XIRP2: variants seen among roughly 807,000 people sequenced by gnomAD.
XIRP2 encodes xin actin binding repeat containing 2.
XIRP2 carries 236 observed loss-of-function variants against 277.0 expected under a neutral mutation model. The ratio of observed to expected loss-of-function variants is 0.85; its 90% confidence interval spans 0.77 to 0.95. The LOEUF (loss-of-function observed/expected upper bound fraction) is 0.95, where lower values mean the gene tolerates loss of function less well. XIRP2 is among the 40% of genes least tolerant of loss of function. The pLI is 0.00. For missense variants in XIRP2, 4,640 were observed against 4,157.5 expected (o/e 1.12, Z -3.19); for synonymous variants, 1,490 against 1,416.5 (o/e 1.05, Z -1.17).
chr2:166,914,387 C>G (rs183985878), intron 2 of XIRP2, among the ~76,000 whole-genome samples: 6 of 152,184 alleles, frequency 3.9e-5, no homozygotes, highest in African/African-American at 1.4e-4. Context: ...GTCACCCAGG[C>G]TGGAGTGCAG....
chr2:167,130,643 A>G (rs1006923192), intron 2 of XIRP2, among the ~76,000 whole-genome samples: 1 of 151,926 alleles, frequency 6.6e-6, no homozygotes, highest in African/African-American at 2.4e-5. Flanking sequence ...TCTGTCTTCC[A>G]GTTTACCCTT....
Position 167,239,981 on chromosome 2 carries a change from G to A in XIRP2, c.969+16G>A. 1 of 1,576,680 alleles carries A rather than the reference G, an allele frequency of 6.3e-7. No homozygotes were observed. The highest frequency in any genetic ancestry group is 1.4e-5 in the African/African-American group (1 of 72,100). ...AACAGAAATGGTAACTATTTAGAAA[G>A]GCAGTACTTTCAAACAGTTTCCAGG... On this transcript the variant is annotated intron_variant, in intron 6 of 10. Transcript: ENST00000409195.
At chr2:167,082,763 G>T (rs1044344633) in intron 2 of XIRP2, among the ~76,000 whole-genome samples, 2 of 152,198 alleles carry the variant, frequency 1.3e-5, no homozygotes, top group South Asian at 2.1e-4. Context: ...GTCTGTTCAT[G>T]TCCTTCACCC....
intron 2 of XIRP2, among the ~76,000 whole-genome samples, chr2:167,073,014 C>A (rs867039854): frequency 6.6e-6 from 1 of 151,998 alleles, no homozygotes; most frequent in Non-Finnish European, 1.5e-5. Flanking sequence ...TATGATACAA[C>A]CATGATAGGT....
intron 3 of XIRP2, among the ~76,000 whole-genome samples, chr2:167,139,758 A>T (rs1691656304): frequency 6.6e-6 from 1 of 152,228 alleles, no homozygotes; most frequent in African/African-American, 2.4e-5. Flanking sequence ...AACTTCTGTG[A>T]TAATGATAAT....
intron 2 of XIRP2, among the ~76,000 whole-genome samples, chr2:166,910,831 T>A (rs1390321703): frequency 1.3e-5 from 2 of 152,214 alleles, no homozygotes; most frequent in African/African-American, 4.8e-5. Flanking sequence ...CTCATTGGTT[T>A]CAAAGAACAT....
At chr2:167,010,645 A>G (rs978699179) in intron 2 of XIRP2, among the ~76,000 whole-genome samples, 8 of 152,056 alleles carry the variant, frequency 5.3e-5, no homozygotes, top group East Asian at 1.9e-4. Context: ...CATTGAATCT[A>G]TAAATTACCT....
intron 2 of XIRP2, among the ~76,000 whole-genome samples, chr2:167,112,604 T>A (rs1274852457): frequency 1.3e-5 from 2 of 148,352 alleles, no homozygotes; most frequent in African/African-American, 4.9e-5. Context: ...AATCTCTATA[T>A]AAATCTCTCT....
At position 167,246,633 on chromosome 2, in the gene XIRP2, A is replaced by G; in HGVS notation, c.5241A>G (p.Thr1747=). 1 of 1,613,816 alleles carries G rather than the reference A, an allele frequency of 6.2e-7. No individual in the cohort carries two copies. Among genetic ancestry groups the G allele is most frequent in the Non-Finnish European group, 8.5e-7 (1 of 1,179,848 alleles). The part of the protein sequence containing the change: ...ASERGNVQFF[T]TCIEAGALDY... Reference sequence around the variant, plus strand: ...AGAGAGGAAATGTTCAGTTTTTCACAACCTGCATAGAAGCTGGAGCTTTGG... The same window carrying G: ...AGAGAGGAAATGTTCAGTTTTTCACGACCTGCATAGAAGCTGGAGCTTTGG... Residue 1747 remains threonine (T), a synonymous_variant, in exon 9 of 11, where the codon ACA becomes ACG. Coordinates refer to ENST00000409195, the MANE Select transcript of XIRP2 (RefSeq NM_152381.6).
At position 167,072,880 on chromosome 2, in the gene XIRP2, T is replaced by C. The variant is rs150870739; in HGVS notation, c.409-63029T>C. Reference sequence around the variant, plus strand: ...CATACAGAAGGCCGCATATTTTGCATAAAGTGTATAAAACATTTCACAGTA... The same window carrying C: ...CATACAGAAGGCCGCATATTTTGCACAAAGTGTATAAAACATTTCACAGTA... On this transcript the variant is annotated intron_variant, in intron 2 of 10. Transcript: ENST00000409195. 2.9e-3 allele frequency among the ~76,000 whole-genome samples: 435 copies of C among 152,296 alleles called. 1 individual carries two copies. The highest frequency in any genetic ancestry group is 1.0e-2 in the African/African-American group (415 of 41,576).
chr2:167,021,389 C>T (rs558233220), intron 2 of XIRP2, among the ~76,000 whole-genome samples: 34 of 152,196 alleles, frequency 2.2e-4, no homozygotes, highest in African/African-American at 7.9e-4. Flanking sequence ...GATATGTCTG[C>T]TCCCAAAACA....
chr2:167,128,864 C>T (rs1329732823), intron 2 of XIRP2, among the ~76,000 whole-genome samples: 1 of 152,114 alleles, frequency 6.6e-6, no homozygotes. Context: ...ACCCAACTTG[C>T]ATCTTAATCA....
Position 167,144,670 on chromosome 2 carries a change from A to G in XIRP2, c.562+8608A>G, listed in dbSNP as rs527272510. Among the ~76,000 whole-genome samples, 22 of 152,274 alleles carry G rather than the reference A, an allele frequency of 1.4e-4. No individual in the cohort carries two copies. The South Asian group carries it at 4.6e-3, about 32-fold the overall frequency. ...TACACTTCAGGGAAGAACTTGATAT[A>G]TCACCTCCAAATCTTTTTATGTCAT... On this transcript the variant is annotated intron_variant, in intron 3 of 10. Coordinates refer to ENST00000409195, the MANE Select transcript of XIRP2 (RefSeq NM_152381.6).
chr2:166,909,750 G>A (rs1351006336), intron 2 of XIRP2, among the ~76,000 whole-genome samples: 1 of 152,050 alleles, frequency 6.6e-6, no homozygotes, highest in Non-Finnish European at 1.5e-5. Context: ...ATTGGCTGTG[G>A]GTTTGTCATA....
At chr2:166,940,266 G>A (rs780644475) in intron 2 of XIRP2, among the ~76,000 whole-genome samples, 1 of 152,098 alleles carries the variant, frequency 6.6e-6, no homozygotes, top group African/African-American at 2.4e-5. Context: ...CATTCATCAC[G>A]TAGTTCTCAT....
At chr2:167,190,869 T>C (rs1181351643) in intron 3 of XIRP2, among the ~76,000 whole-genome samples, 1 of 152,162 alleles carries the variant, frequency 6.6e-6, no homozygotes, top group Non-Finnish European at 1.5e-5. Context: ...GTAATCCACA[T>C]TCTTGGTAGA....
At chr2:167,141,639 G>A (rs1179000619) in intron 3 of XIRP2, among the ~76,000 whole-genome samples, 1 of 151,996 alleles carries the variant, frequency 6.6e-6, no homozygotes, top group African/African-American at 2.4e-5. Context: ...AAGGAAGGAG[G>A]ATTGCTTGAG....
At chr2:167,184,782 C>G (rs1693110967) in intron 3 of XIRP2, 3 of 619,514 alleles carry the variant, frequency 4.8e-6, no homozygotes, top group Non-Finnish European at 5.8e-6. Flanking sequence ...ATGCTAATTA[C>G]TAGCATCATC....
At chr2:166,995,573 A>C (rs548213764) in intron 2 of XIRP2, among the ~76,000 whole-genome samples, 9 of 152,330 alleles carry the variant, frequency 5.9e-5, no homozygotes. Context: ...AGAGATTGAG[A>C]AAATGTCCCT....
Sources: gnomAD v4.1 joint callset for allele counts (sites outside exome capture counted in the v4.1 genomes callset) on GRCh38, gnomAD v4.1.1 for gene constraint, MANE v1.5 for transcripts, NCBI Gene and HGNC (gene_info 2026-07-23, HGNC 2026-07-21) for gene names.